Variants in TEX36 observed in about 807,000 individuals in gnomAD.
The protein encoded by TEX36 is testis expressed 36, also known as testis-expressed protein 36.
Under a neutral mutation model 13.6 loss-of-function variants are expected in TEX36, and 12 were observed. That is an observed-to-expected ratio of 0.88 (90% CI 0.56 to 1.43). The LOEUF (loss-of-function observed/expected upper bound fraction) is 1.43, where lower values mean the gene tolerates loss of function less well. TEX36 is among the 40% of genes most tolerant of loss of function. The pLI is 0.00. For synonymous variants in TEX36, 93 were observed against 83.0 expected (o/e 1.12, Z -0.65); for missense variants, 224 against 228.3 (o/e 0.98, Z 0.12).
downstream of TEX36, among the ~76,000 whole-genome samples, chr10:125,652,114 A>G (rs543868063): frequency 2.0e-3 from 304 of 152,330 alleles, 1 homozygote; most frequent in African/African-American, 7.1e-3. Context: ...GCTACCAATG[A>G]CTTTCTTCAC....
chr10:125,654,360 A>G (rs1846909366), downstream of TEX36, among the ~76,000 whole-genome samples: 1 of 152,214 alleles, frequency 6.6e-6, no homozygotes, highest in Admixed American at 6.5e-5. Context: ...AATATACAGG[A>G]ATAAACATGG....
At chr10:125,586,633 TCCAAAAA>T (rs1179976887) in intron 3 of TEX36, among the ~76,000 whole-genome samples, 20 of 77,430 alleles carry the variant, frequency 2.6e-4, no homozygotes, top group African/African-American at 8.0e-4. Flanking sequence ...CTACTAAAAA[TCCAAAAA>T]AAAAAAAAAA....
intron 1 of TEX36, among the ~76,000 whole-genome samples, chr10:125,666,664 GC>G (rs1589783632): frequency 6.6e-6 from 1 of 151,862 alleles, no homozygotes; most frequent in Non-Finnish European, 1.5e-5. Flanking sequence ...TTCTCTCCCC[GC>G]CCCCCCTCCT....
At chr10:125,618,046 A>G (rs568467809), downstream of TEX36, among the ~76,000 whole-genome samples, 1 of 152,116 alleles carries the variant, frequency 6.6e-6, no homozygotes, top group Admixed American at 6.5e-5. Context: ...TTCATCTTCC[A>G]TCGCTGATAC....
In TEX36 at chr10:125,576,641, T is replaced by G. The variant is rs1845827527; in HGVS notation, c.*108A>C. ...AAGAATGCTGAATAAATCCTGGTGG[T>G]TACTAACTAGCTAGGCTAAGACAAA... On this transcript the variant is annotated 3_prime_UTR_variant, in exon 4 of 4. Coordinates refer to the TEX36 transcript ENST00000532135. 4 of 1,370,600 alleles carry G rather than the reference T, an allele frequency of 2.9e-6. 1 individual carries two copies. Among genetic ancestry groups the G allele is most frequent in the South Asian group, 2.8e-5 (2 of 71,450 alleles). The allele number at this position is 1,370,600 out of a possible 1,614,324, so 84.9% of individuals were successfully genotyped here. A position where few individuals can be genotyped will look rare whatever the true frequency, so the allele number is the denominator to read the frequency against.
intron 1 of TEX36, among the ~76,000 whole-genome samples, chr10:125,678,917 G>A (rs1456322156): frequency 2.0e-5 from 3 of 152,162 alleles, no homozygotes; most frequent in Non-Finnish European, 4.4e-5. Context: ...GCCATCGTGA[G>A]CAGGAGCAGG....
At chr10:125,609,708 C>T (rs1176738112) in intron 3 of TEX36, among the ~76,000 whole-genome samples, 1 of 152,216 alleles carries the variant, frequency 6.6e-6, no homozygotes, top group Non-Finnish European at 1.5e-5. Context: ...AAGAAAGAAA[C>T]GTCTGTTGTG....
intron 3 of TEX36, among the ~76,000 whole-genome samples, chr10:125,595,214 C>T (rs1846065375): frequency 6.6e-6 from 1 of 152,052 alleles, no homozygotes; most frequent in African/African-American, 2.4e-5. Flanking sequence ...AGGCCCTGAC[C>T]CAGTCATCTT....
chr10:125,621,699 C>T, intron 3 of TEX36: 1 of 455,680 alleles, frequency 2.2e-6, no homozygotes, highest in South Asian at 1.6e-5. Context: ...AGCCTCAAAC[C>T]CAGGGAAGCC....
At chr10:125,664,458 T>C (rs1565188611) in intron 1 of TEX36, among the ~76,000 whole-genome samples, 1 of 152,186 alleles carries the variant, frequency 6.6e-6, no homozygotes, top group Non-Finnish European at 1.5e-5. Context: ...TCTAATATGG[T>C]TGTCCCCATG....
chr10:125,609,178 A>C (rs1303956495), intron 3 of TEX36, among the ~76,000 whole-genome samples: 3 of 150,958 alleles, frequency 2.0e-5, no homozygotes, highest in Non-Finnish European at 4.4e-5. Flanking sequence ...ACAAAAAAAA[A>C]AAAACTTTTA....
intron 3 of TEX36, among the ~76,000 whole-genome samples, chr10:125,603,406 C>T (rs948185958): frequency 4.6e-5 from 7 of 152,124 alleles, no homozygotes; most frequent in Admixed American, 2.6e-4. Flanking sequence ...TTAGTGGTCC[C>T]CCATCTGCTC....
chr10:125,667,047 G>T (rs1315870710), intron 1 of TEX36: 5 of 1,482,264 alleles, frequency 3.4e-6, no homozygotes, highest in Non-Finnish European at 1.9e-6. Context: ...GCAGAGGCCT[G>T]CAGGGCTCGG....
chr10:125,628,962 AG>A (rs1315426484), intron 3 of TEX36, among the ~76,000 whole-genome samples: 1 of 152,172 alleles, frequency 6.6e-6, no homozygotes, highest in African/African-American at 2.4e-5. Flanking sequence ...CATCCTCTTG[AG>A]GAAAATAGAA....
At position 125,675,048 on chromosome 10, in the gene TEX36, A is replaced by G. The variant is rs9422935; in HGVS notation, c.51+7891T>C. Among the ~76,000 whole-genome samples the G allele has an allele frequency of 9.2e-3, 1,402 of 152,334 alleles. 22 individuals are homozygous for G. The highest frequency in any genetic ancestry group is 0.031 in the African/African-American group (1,291 of 41,568). ...AAGTCTGCTGATCCAGGGAGACCAT[A>G]GCCACCCCTCCCCACAGGGGTTCAG... On this transcript the variant is annotated intron_variant, in intron 1 of 3. Coordinates refer to ENST00000368821, the MANE Select transcript of TEX36 (RefSeq NM_001128202.3).
chr10:125,644,586 G>A (rs1846739235), intron 3 of TEX36, among the ~76,000 whole-genome samples: 1 of 152,200 alleles, frequency 6.6e-6, no homozygotes, highest in Admixed American at 6.5e-5. Context: ...TGTGAAATCT[G>A]AATAAGGCTT....
At chr10:125,679,654 G>A (rs902971834) in intron 1 of TEX36, among the ~76,000 whole-genome samples, 2 of 152,156 alleles carry the variant, frequency 1.3e-5, no homozygotes, top group African/African-American at 2.4e-5. Flanking sequence ...AGCCGATCCC[G>A]GCCAGGCAGG....
intron 1 of TEX36, among the ~76,000 whole-genome samples, chr10:125,679,824 G>A (rs1845767070): frequency 6.6e-6 from 1 of 152,178 alleles, no homozygotes; most frequent in South Asian, 2.1e-4. Context: ...CTTCTAGTCA[G>A]CCATCTTGAC....
chr10:125,676,507 T>C (rs1164043227), intron 1 of TEX36, among the ~76,000 whole-genome samples: 1 of 152,210 alleles, frequency 6.6e-6, no homozygotes, highest in Non-Finnish European at 1.5e-5. Context: ...ATGTCTTTAC[T>C]GGCAAAGTGA....
Sources: allele counts gnomAD v4.1 joint callset (sites outside exome capture counted in the v4.1 genomes callset), GRCh38; gene constraint gnomAD v4.1.1; transcripts MANE v1.5; gene names NCBI Gene and HGNC (gene_info 2026-07-23, HGNC 2026-07-21).